Variants in SMAD2 observed in about 807,000 individuals in gnomAD.
SMAD2 encodes the protein SMAD family member 2, also known as MAD homolog 2.
Under a neutral mutation model 64.4 loss-of-function variants are expected in SMAD2, and 8 were observed. The observed-to-expected ratio is 0.12, with a 90% CI of 0.07 to 0.22. SMAD2 has a LOEUF of 0.22. Ranked by LOEUF, SMAD2 falls within the 10% of genes least tolerant of loss-of-function variation. SMAD2 has a pLI of 1.00. For synonymous variants in SMAD2, 203 were observed against 195.8 expected, an observed-to-expected ratio of 1.04 and a Z score of -0.31; for missense variants, 289 against 561.2, an observed-to-expected ratio of 0.51 and a Z score of 4.90.
At chr18:47,929,542 T>C (rs113726622) in intron 1 of SMAD2, among the ~76,000 whole-genome samples, 157 of 152,322 alleles carry the variant, frequency 1.0e-3, no homozygotes, top group Non-Finnish European at 1.5e-3. Flanking sequence ...AAACAAGACA[T>C]GACTTTGATG....
chr18:47,844,936 A>G, intron 10 of SMAD2: 1 of 349,506 alleles, frequency 2.9e-6, no homozygotes, highest in Non-Finnish European at 5.2e-6. Context: ...TGCTATTGTC[A>G]AGATTATCAC....
intron 7 of SMAD2, among the ~76,000 whole-genome samples, chr18:47,850,812 A>T (rs1345161497): frequency 5.4e-4 from 2 of 3,684 alleles, no homozygotes; most frequent in Non-Finnish European, 2.0e-3. Flanking sequence ...ATTATGTATA[A>T]TATATTATAT....
In SMAD2 at chr18:47,827,002, C is replaced by T. The variant is rs1346376212; in HGVS notation, c.*14825G>A. The T allele has an allele frequency of 6.6e-6, 1 of 152,118 alleles. No homozygotes were observed. The highest frequency in any genetic ancestry group is 1.5e-5 in the Non-Finnish European group (1 of 68,018). The allele number at this position is 152,118 out of a possible 1,614,324, so 9.4% of individuals were successfully genotyped here. On this transcript the variant is annotated 3_prime_UTR_variant, in exon 11 of 11. Coordinates refer to ENST00000262160, the MANE Select transcript of SMAD2 (RefSeq NM_005901.6). ...ACTGATGAAAAGATTTATCTAAAGT[C>T]ACATAAATTGGCACAATCAGGGTCC...
At chr18:47,928,325 C>T (rs2034850718) in intron 1 of SMAD2, among the ~76,000 whole-genome samples, 1 of 152,110 alleles carries the variant, frequency 6.6e-6, no homozygotes, top group South Asian at 2.1e-4. Flanking sequence ...TGTAAAAATT[C>T]AATAGGTCTT....
intron 7 of SMAD2, 83 bp downstream of exon 7, chr18:47,851,191 A>T (rs2030030375): frequency 3.0e-6 from 3 of 999,328 alleles, no homozygotes; most frequent in Non-Finnish European, 4.8e-6. Context: ...CGGATATATA[A>T]AAAATAACTC....
At chr18:47,923,337 GGGGTCCTC>G (rs1230110508) in intron 1 of SMAD2, among the ~76,000 whole-genome samples, 1 of 152,166 alleles carries the variant, frequency 6.6e-6, no homozygotes, top group Non-Finnish European at 1.5e-5. Flanking sequence ...TCACGTGAGT[GGGGTCCTC>G]AGGCCATAAA....
intron 1 of SMAD2, among the ~76,000 whole-genome samples, chr18:47,923,382 A>T (rs2034641597): frequency 6.6e-6 from 1 of 152,250 alleles, no homozygotes; most frequent in Admixed American, 6.5e-5. Flanking sequence ...AGTCTAGAGT[A>T]GTGCCACCCA....
chr18:47,879,988 G>A (rs1000060907), intron 2 of SMAD2, among the ~76,000 whole-genome samples: 19 of 152,162 alleles, frequency 1.2e-4, no homozygotes, highest in African/African-American at 4.6e-4. Context: ...CTTCAGTGAA[G>A]TAGCCAACTA....
chr18:47,856,538 G>A (rs1005105771), intron 6 of SMAD2, among the ~76,000 whole-genome samples: 1 of 151,982 alleles, frequency 6.6e-6, no homozygotes, highest in Non-Finnish European at 1.5e-5. Flanking sequence ...AATCATCCTG[G>A]GTTGCTTCTT....
intron 10 of SMAD2, among the ~76,000 whole-genome samples, chr18:47,844,567 CT>C (rs1444957799): frequency 6.6e-6 from 1 of 152,110 alleles, no homozygotes; most frequent in Admixed American, 6.5e-5. Flanking sequence ...ATAATTGTTA[CT>C]ACTATCCTTA....
In SMAD2 at chr18:47,896,562, G is replaced by A. The variant is rs750190253; in HGVS notation, c.195C>T (p.Ile65=). 1 of 1,614,148 alleles carries A rather than the reference G, an allele frequency of 6.2e-7. No individual in the cohort carries two copies. ...TGRLDELEKA[I]TTQNCNTKCV... ...ATTTAGTATTACAGTTTTGAGTGGT[G>A]ATGGCTTTCTCAAGCTCATCTAATC... Residue 65 remains isoleucine (I), a synonymous_variant, in exon 2 of 11, where the codon ATC becomes ATT. Coordinates refer to ENST00000262160, the MANE Select transcript of SMAD2 (RefSeq NM_005901.6).
intron 2 of SMAD2, among the ~76,000 whole-genome samples, chr18:47,892,499 T>C (rs1041782261): frequency 6.6e-6 from 1 of 152,110 alleles, no homozygotes; most frequent in Non-Finnish European, 1.5e-5. Context: ...CATGCCTAGT[T>C]ATGTTTTTGT....
intron 2 of SMAD2, among the ~76,000 whole-genome samples, chr18:47,872,092 T>C (rs1300780690): frequency 6.6e-6 from 1 of 152,182 alleles, no homozygotes; most frequent in Non-Finnish European, 1.5e-5. Context: ...TAAACAGTAA[T>C]TGTTAAGAAC....
At chr18:47,860,662 A>AT (rs1444699766) in intron 6 of SMAD2, among the ~76,000 whole-genome samples, 1 of 152,096 alleles carries the variant, frequency 6.6e-6, no homozygotes, top group Non-Finnish European at 1.5e-5. Flanking sequence ...TTTCCAACAC[A>AT]TTTTATGATA....
chr18:47,842,762 C>T (rs571954401), intron 10 of SMAD2, among the ~76,000 whole-genome samples: 6 of 152,294 alleles, frequency 3.9e-5, no homozygotes, highest in African/African-American at 1.4e-4. Flanking sequence ...ATTCAACTTT[C>T]CCTGCCAAAG....
chr18:47,914,660 T>C (rs2034267148), intron 1 of SMAD2, among the ~76,000 whole-genome samples: 1 of 111,408 alleles, frequency 9.0e-6, no homozygotes, highest in Admixed American at 1.0e-4. Flanking sequence ...TTCTGTCGCA[T>C]AACAAATTCC....
At chr18:47,919,926 A>G (rs989410337) in intron 1 of SMAD2, 10 of 152,266 alleles carry the variant, frequency 6.6e-5, no homozygotes, top group Admixed American at 6.5e-4. Flanking sequence ...GCTATCCAAC[A>G]GAAACAGGAT....
intron 8 of SMAD2, among the ~76,000 whole-genome samples, chr18:47,847,570 T>A (rs1482428420): frequency 6.6e-6 from 1 of 151,608 alleles, no homozygotes; most frequent in East Asian, 1.9e-4. Context: ...AAAAATTCAT[T>A]TAAAAATCAA....
chr18:47,839,989 G>A lies in SMAD2; in HGVS notation c.*1838C>T, dbSNP rs1598738487. The stretch of plus-strand genomic sequence containing the variant: ...ATAATTAAGGGTTAGTGTAACTGCT[G>A]TCTCAGCAAAGGCAGGAACTGTAGT... On this transcript the variant is annotated 3_prime_UTR_variant, in exon 11 of 11. Transcript: ENST00000262160. The A allele has an allele frequency of 4.3e-6, 1 of 233,164 alleles. No homozygotes were observed. Among genetic ancestry groups the A allele is most frequent in the East Asian group, 6.0e-5 (1 of 16,538 alleles). 14.4% of individuals were successfully genotyped at this position (233,164 alleles called of 1,614,324 possible).
Sources: gnomAD v4.1 joint callset for allele counts (sites outside exome capture counted in the v4.1 genomes callset) on GRCh38, gnomAD v4.1.1 for gene constraint, MANE v1.5 for transcripts, NCBI Gene and HGNC (gene_info 2026-07-23, HGNC 2026-07-21) for gene names.